The following EPC2 variants were observed in gnomAD, a reference collection of about 807,000 sequenced individuals.
The protein encoded by EPC2 is enhancer of polycomb homolog 2.
EPC2 carries 14 observed loss-of-function variants against 92.1 expected under a neutral mutation model. The ratio of observed to expected loss-of-function variants is 0.15; its 90% CI spans 0.10 to 0.24. The LOEUF is 0.24. EPC2 is among the 10% of genes least tolerant of loss of function. The probability of loss-of-function intolerance (pLI) is 1.00; values close to 1 mark genes in which losing one functional copy is unlikely to be tolerated. For missense variants in EPC2, 755 were observed against 971.5 expected, an observed-to-expected ratio of 0.78 and a Z score of 2.96; for synonymous variants, 340 against 334.7, an observed-to-expected ratio of 1.02 and a Z score of -0.17.
intron 4 of EPC2, among the ~76,000 whole-genome samples, chr2:148,758,214 A>G (rs1683231107): frequency 6.6e-6 from 1 of 152,172 alleles, no homozygotes; most frequent in Admixed American, 6.5e-5. Context: ...CTTACAGTAG[A>G]TTTCCAAAGC....
intron 1 of EPC2, among the ~76,000 whole-genome samples, chr2:148,656,613 C>T (rs1053480469): frequency 1.3e-5 from 2 of 152,182 alleles, no homozygotes; most frequent in Non-Finnish European, 2.9e-5. Flanking sequence ...AACTTAGCCT[C>T]ATAAGCACAG....
intron 11 of EPC2, 118 bp downstream of exon 11, chr2:148,781,898 G>C: frequency 1.7e-6 from 2 of 1,150,796 alleles, no homozygotes; most frequent in African/African-American, 3.1e-5. Context: ...TTTGGGGTCT[G>C]TAACCTGAAT....
At chr2:148,752,480 C>G (rs1479903559) in intron 3 of EPC2, among the ~76,000 whole-genome samples, 1 of 152,114 alleles carries the variant, frequency 6.6e-6, no homozygotes, top group South Asian at 2.1e-4. Context: ...AATACTGGTT[C>G]TTATGGTGTG....
intron 7 of EPC2, among the ~76,000 whole-genome samples, chr2:148,765,544 C>T (rs1683390544): frequency 6.6e-6 from 1 of 152,108 alleles, no homozygotes; most frequent in African/African-American, 2.4e-5. Context: ...CCACACTCCA[C>T]CAGCATTGTG....
At chr2:148,661,927 T>A (rs1296813582) in intron 1 of EPC2, among the ~76,000 whole-genome samples, 1 of 152,104 alleles carries the variant, frequency 6.6e-6, no homozygotes, top group African/African-American at 2.4e-5. Context: ...TGTCTTTAGT[T>A]TTGGGCTAAT....
intron 10 of EPC2, among the ~76,000 whole-genome samples, chr2:148,775,350 TTTGAAATTACAGTATTATTTAACTG>T (rs1409095825): frequency 2.6e-5 from 4 of 151,898 alleles, no homozygotes; most frequent in Non-Finnish European, 5.9e-5. Context: ...GGGATAATCC[TTTGAAATTACAGTATTATTTAACTG>T]TTCTTTGAAA....
At chr2:148,704,317 A>G (rs1208573617) in intron 2 of EPC2, among the ~76,000 whole-genome samples, 3 of 152,202 alleles carry the variant, frequency 2.0e-5, no homozygotes, top group Non-Finnish European at 4.4e-5. Context: ...AATCAGAATC[A>G]TAGAGACAGA....
chr2:148,742,525 G>A (rs1326094797), intron 2 of EPC2, among the ~76,000 whole-genome samples: 1 of 152,110 alleles, frequency 6.6e-6, no homozygotes. Flanking sequence ...GGCCGAGGCA[G>A]ACAGATCGCT....
chr2:148,689,255 T>A (rs937301955), intron 1 of EPC2, among the ~76,000 whole-genome samples: 2 of 151,506 alleles, frequency 1.3e-5, no homozygotes, highest in South Asian at 4.2e-4. Flanking sequence ...CGGCTCACTG[T>A]AACCTCTGCC....
intron 1 of EPC2, among the ~76,000 whole-genome samples, chr2:148,667,908 T>G (rs185648710): frequency 5.6e-4 from 85 of 152,298 alleles, no homozygotes; most frequent in Middle Eastern, 3.4e-3. Context: ...TTGTTGTTGT[T>G]GTTTTGAGAC....
At chr2:148,748,018 G>A (rs1683017403) in intron 3 of EPC2, among the ~76,000 whole-genome samples, 1 of 152,048 alleles carries the variant, frequency 6.6e-6, no homozygotes, top group Admixed American at 6.6e-5. Flanking sequence ...GTTTGTGGAG[G>A]GCCTGGTGGA....
At chr2:148,693,801 A>G (rs191497939) in intron 2 of EPC2, among the ~76,000 whole-genome samples, 50 of 152,282 alleles carry the variant, frequency 3.3e-4, no homozygotes, top group African/African-American at 1.0e-3. Context: ...TCAACTTGTT[A>G]AAATACAACT....
intron 1 of EPC2, among the ~76,000 whole-genome samples, chr2:148,660,959 A>T (rs183130931): frequency 2.0e-5 from 3 of 152,114 alleles, no homozygotes; most frequent in African/African-American, 7.2e-5. Flanking sequence ...ATTGTTTATT[A>T]TCTTATCTTT....
At chr2:148,738,188 ATG>A (rs1398125222) in intron 2 of EPC2, among the ~76,000 whole-genome samples, 8 of 152,194 alleles carry the variant, frequency 5.3e-5, no homozygotes, top group Admixed American at 2.0e-4. Flanking sequence ...TGAGATAAGT[ATG>A]TGTTCATTTT....
chr2:148,755,496 T>G (rs1009720167), intron 4 of EPC2, among the ~76,000 whole-genome samples: 2 of 152,174 alleles, frequency 1.3e-5, no homozygotes, highest in Non-Finnish European at 2.9e-5. Flanking sequence ...AACATTTCGG[T>G]CACTGACGGG....
intron 2 of EPC2, among the ~76,000 whole-genome samples, chr2:148,721,890 C>CTTTTTTTTTTTTTTTT: frequency 1.2e-4 from 7 of 60,756 alleles, no homozygotes; most frequent in African/African-American, 2.0e-4. Context: ...GTTTTGATTT[C>CTTTTTTTTTTTTTTTT]TTTTTTTTTT....
intron 1 of EPC2, among the ~76,000 whole-genome samples, chr2:148,677,907 G>A (rs917011816): frequency 2.6e-5 from 4 of 152,188 alleles, no homozygotes; most frequent in African/African-American, 9.7e-5. Context: ...CATAAAGGCA[G>A]TGTGGACCCA....
rs540890466 is a variant in EPC2 at position 148,749,441 on chromosome 2, A to G, written c.460-4486A>G. Among the ~76,000 whole-genome samples, 5 of 151,992 alleles carry G rather than the reference A, an allele frequency of 3.3e-5. No homozygotes were observed. In the East Asian group the frequency reaches 9.6e-4, roughly 29 times the overall value. ...TCATTGTACTTAGAAAATTCAAATT[A>G]AAAGCGCCTAAAACTCAATATAATA... On this transcript the variant is annotated intron_variant, in intron 3 of 13. Transcript: ENST00000258484.
intron 1 of EPC2, among the ~76,000 whole-genome samples, chr2:148,673,973 A>G (rs1267315766): frequency 6.6e-6 from 1 of 151,878 alleles, no homozygotes; most frequent in African/African-American, 2.4e-5. Context: ...TTATTAGATA[A>G]TTCATAGATC....
Sources: allele counts gnomAD v4.1 joint callset (sites outside exome capture counted in the v4.1 genomes callset), GRCh38; gene constraint gnomAD v4.1.1; transcripts MANE v1.5; gene names NCBI Gene and HGNC (gene_info 2026-07-23, HGNC 2026-07-21).